PPFIA2: variants seen among roughly 807,000 people sequenced by gnomAD.
The protein encoded by PPFIA2 is liprin-alpha-2.
PPFIA2 carries 46 observed loss-of-function variants against 175.5 expected under a neutral mutation model. That is an observed-to-expected ratio of 0.26 (90% CI 0.21 to 0.34). The LOEUF is 0.34. Ranked by LOEUF, PPFIA2 falls within the 10% of genes least tolerant of loss-of-function variation. The pLI is 1.00. For synonymous variants in PPFIA2, 568 were observed against 511.4 expected (o/e 1.11, Z -1.49); for missense variants, 1,179 against 1,506.1 (o/e 0.78, Z 3.60).
chr12:81,510,126 A>G (rs2061613009), intron 4 of PPFIA2, among the ~76,000 whole-genome samples: 1 of 152,084 alleles, frequency 6.6e-6, no homozygotes, highest in Non-Finnish European at 1.5e-5. Flanking sequence ...TTTTCCAAAC[A>G]GCTATTATAT....
chr12:81,579,861 A>G (rs557934941), intron 4 of PPFIA2, among the ~76,000 whole-genome samples: 8 of 151,896 alleles, frequency 5.3e-5, no homozygotes, highest in Non-Finnish European at 1.2e-4. Context: ...CAGATTAAAA[A>G]TGCTAATTCA....
chr12:81,525,907 A>G (rs972003924), intron 4 of PPFIA2, among the ~76,000 whole-genome samples: 19 of 152,200 alleles, frequency 1.2e-4, no homozygotes, highest in African/African-American at 4.1e-4. Flanking sequence ...AGAATAATAT[A>G]GATACACAAC....
chr12:81,376,005 T>C, intron 9 of PPFIA2, 63 bp from the exon 10 acceptor site: 1 of 1,406,992 alleles, frequency 7.1e-7, no homozygotes, highest in Non-Finnish European at 9.8e-7. Flanking sequence ...TATTGTCTTG[T>C]TAGTTAAATA....
At position 81,258,479 on chromosome 12, in the gene PPFIA2, A is replaced by G. The variant is rs2034427860; in HGVS notation, c.*1215T>C. ...AGCAGTTAGATAAATGGTATTATTA[A>G]ATAGGCTTTACTTTGAATCTCCCAT... is the stretch of plus-strand genomic sequence containing the variant. On this transcript the variant is annotated 3_prime_UTR_variant, in exon 33 of 33. Coordinates refer to ENST00000549396, the MANE Select transcript of PPFIA2 (RefSeq NM_003625.5). 1 of 152,318 alleles carries G rather than the reference A, an allele frequency of 6.6e-6. No homozygotes were observed. Among genetic ancestry groups the G allele is most frequent in the African/African-American group, 2.4e-5 (1 of 41,584 alleles). The allele number at this position is 152,318 out of a possible 1,614,324, so 9.4% of individuals were successfully genotyped here. A position where few individuals can be genotyped will look rare whatever the true frequency, so the allele number is the denominator to read the frequency against.
intron 11 of PPFIA2, among the ~76,000 whole-genome samples, chr12:81,372,535 A>C (rs2035414671): frequency 6.7e-6 from 1 of 150,008 alleles, no homozygotes; most frequent in East Asian, 1.9e-4. Context: ...AAAAACAGAT[A>C]TAAAAATAGA....
rs557208245 is a variant in PPFIA2 at position 81,723,892 on chromosome 12, T to C, written c.249+30081A>G. Reference sequence around the variant, plus strand: ...CCTTCATGACTGTAAATAAAATAAATTGTAAATGGTATTATCTGTTAATTT... The same window carrying C: ...CCTTCATGACTGTAAATAAAATAAACTGTAAATGGTATTATCTGTTAATTT... On this transcript the variant is annotated intron_variant, in intron 3 of 32. Transcript: ENST00000549396. Among the ~76,000 whole-genome samples the C allele has an allele frequency of 2.3e-4, 34 of 151,064 alleles. No individual in the cohort carries two copies. The South Asian group carries it at 6.6e-3, about 29-fold the overall frequency.
intron 29 of PPFIA2, chr12:81,267,245 C>T: frequency 1.7e-6 from 1 of 571,804 alleles, no homozygotes; most frequent in Non-Finnish European, 3.3e-6. Context: ...CTTGCATAAA[C>T]ATCTGAGGTC....
intron 8 of PPFIA2, among the ~76,000 whole-genome samples, chr12:81,387,306 T>G (rs1278536344): frequency 6.6e-6 from 1 of 152,180 alleles, no homozygotes; most frequent in Non-Finnish European, 1.5e-5. Context: ...GCCATAAACT[T>G]CATTACCCCC....
chr12:81,472,084 A>T (rs1201667971), intron 4 of PPFIA2, among the ~76,000 whole-genome samples: 2 of 152,192 alleles, frequency 1.3e-5, no homozygotes, highest in African/African-American at 4.8e-5. Flanking sequence ...ATGCTAAGTT[A>T]AAGAAGCCAG....
At chr12:81,637,823 T>C in intron 4 of PPFIA2, among the ~76,000 whole-genome samples, 1 of 152,098 alleles carries the variant, frequency 6.6e-6, no homozygotes, top group East Asian at 1.9e-4. Flanking sequence ...ATGTGCCATA[T>C]ACCATGGTCT....
chr12:81,663,125 G>C (rs867636334), intron 4 of PPFIA2, among the ~76,000 whole-genome samples: 13 of 152,222 alleles, frequency 8.5e-5, no homozygotes, highest in Middle Eastern at 3.4e-3. Flanking sequence ...TTGAAAACTG[G>C]CACAAGACAG....
intron 5 of PPFIA2, among the ~76,000 whole-genome samples, chr12:81,456,897 ATT>A (rs1385162549): frequency 6.6e-6 from 1 of 152,098 alleles, no homozygotes; most frequent in Non-Finnish European, 1.5e-5. Context: ...ATGGCTGGAC[ATT>A]CCCTTGGAAA....
intron 2 of PPFIA2, 98 bp from the exon 3 acceptor site, chr12:81,754,321 C>G: frequency 7.2e-7 from 1 of 1,384,832 alleles, no homozygotes; most frequent in Non-Finnish European, 9.8e-7. Flanking sequence ...GCTTATTAGC[C>G]TATTTGTCTC....
At chr12:81,351,950 A>T (rs958870842) in intron 17 of PPFIA2, among the ~76,000 whole-genome samples, 6 of 152,030 alleles carry the variant, frequency 3.9e-5, no homozygotes, top group African/African-American at 1.2e-4. Context: ...TAATACAGAA[A>T]TGTAATTTTT....
intron 3 of PPFIA2, among the ~76,000 whole-genome samples, chr12:81,691,111 T>C (rs909651655): frequency 2.6e-5 from 4 of 152,148 alleles, no homozygotes; most frequent in Admixed American, 2.6e-4. Flanking sequence ...GGGTTCCTTA[T>C]GCAGCCTACC....
chr12:81,649,713 A>T (rs571548276), intron 4 of PPFIA2, among the ~76,000 whole-genome samples: 217 of 152,360 alleles, frequency 1.4e-3, no homozygotes, highest in Admixed American at 4.5e-3. Flanking sequence ...ATTCAACAAT[A>T]AAGAGGAACT....
chr12:81,548,552 T>G (rs192726941), intron 4 of PPFIA2, among the ~76,000 whole-genome samples: 44 of 152,218 alleles, frequency 2.9e-4, no homozygotes, highest in African/African-American at 7.2e-4. Context: ...AGACTGCACT[T>G]AAACTCCTGT....
chr12:81,629,920 A>G (rs1393565696), intron 4 of PPFIA2, among the ~76,000 whole-genome samples: 1 of 152,194 alleles, frequency 6.6e-6, no homozygotes, highest in Non-Finnish European at 1.5e-5. Context: ...AGATGTGATT[A>G]AGTTAATGAT....
chr12:81,562,505 A>G (rs1339196580), intron 4 of PPFIA2, among the ~76,000 whole-genome samples: 2 of 152,166 alleles, frequency 1.3e-5, no homozygotes, highest in Non-Finnish European at 2.9e-5. Flanking sequence ...ATGATAGGTA[A>G]ATAAGTTTCA....
Sources: allele counts gnomAD v4.1 joint callset (sites outside exome capture counted in the v4.1 genomes callset), GRCh38; gene constraint gnomAD v4.1.1; transcripts MANE v1.5; gene names NCBI Gene and HGNC (gene_info 2026-07-23, HGNC 2026-07-21).